Variants in ACSL6 observed in about 807,000 individuals in gnomAD.
The protein encoded by ACSL6 is long-chain-fatty-acid--CoA ligase 6.
In ACSL6, 47 loss-of-function variants were observed where a neutral mutation model predicts 98.2. The observed-to-expected ratio is 0.48, with a 90% CI of 0.38 to 0.61. The LOEUF is 0.61. Ranked by LOEUF, ACSL6 falls within the 20% of genes least tolerant of loss-of-function variation. The pLI is 0.00. For missense variants in ACSL6, 761 were observed against 913.4 expected (o/e 0.83, Z 2.15); for synonymous variants, 362 against 336.9 (o/e 1.07, Z -0.82).
chr5:131,959,440 GAA>G, intron 20 of ACSL6, 94 bp downstream of exon 20: 4 of 1,368,496 alleles, frequency 2.9e-6, no homozygotes, highest in Non-Finnish European at 4.1e-6. Context: ...GCCACACCAT[GAA>G]AAGTCAGGAA....
chr5:131,962,705 A>G (rs766688213), intron 17 of ACSL6, 27 bp from the exon 18 acceptor site: 1 of 1,612,616 alleles, frequency 6.2e-7, no homozygotes, highest in East Asian at 2.2e-5. Context: ...ACAGCTTTAT[A>G]AGAACATGGC....
rs1366350575 is a variant in ACSL6, at chr5:131,950,579, T to G, written c.*3655A>C. 5.1e-6 allele frequency: 1 copy of G among 196,330 alleles called. No homozygotes were observed. Among genetic ancestry groups the G allele is most frequent in the Non-Finnish European group, 1.1e-5 (1 of 94,496 alleles). The allele number at this position is 196,330 out of a possible 1,614,324, so 12.2% of individuals were successfully genotyped here. ...AATTTTATATACGGTTATTCATTCT[T>G]TTTTTCCTGAGATATTAAGCACATT... On this transcript the variant is annotated 3_prime_UTR_variant, in exon 21 of 21. Transcript: ENST00000651883.
intron 7 of ACSL6, among the ~76,000 whole-genome samples, chr5:131,987,764 T>C (rs1264324563): frequency 6.6e-6 from 1 of 152,148 alleles, no homozygotes; most frequent in Admixed American, 6.5e-5. Context: ...AGAGGCTGTG[T>C]GAGTACCTCT....
chr5:131,990,346 A>G (rs987391294), intron 3 of ACSL6, among the ~76,000 whole-genome samples, 182 bp from the exon 4 acceptor site: 11 of 152,212 alleles, frequency 7.2e-5, no homozygotes, highest in African/African-American at 2.7e-4. Context: ...GGCCTAAAGC[A>G]CATAAGTATG....
chr5:131,997,958 C>T (rs1754877961), intron 1 of ACSL6, among the ~76,000 whole-genome samples: 1 of 152,198 alleles, frequency 6.6e-6, no homozygotes, highest in Middle Eastern at 3.2e-3. Context: ...AGGACATGGG[C>T]CTCAGAGCCA....
chr5:131,975,043 A>C, intron 10 of ACSL6, 73 bp from the exon 11 acceptor site: 1 of 1,549,656 alleles, frequency 6.5e-7, no homozygotes. Flanking sequence ...ATCATAAAAC[A>C]ATAAAGAGAA....
At position 132,011,277 on chromosome 5, in the gene ACSL6, C is replaced by A. The variant is rs1409080001; in HGVS notation, c.49+228G>T. ...TTGTGGTGGGGTCGCAGAGAGCAAG[C>A]CCTATATCTCCCTCCGCAGACCCAG... On this transcript the variant is annotated intron_variant, in intron 1 of 20. Transcript: ENST00000651883. The surrounding 1 kb of genome is among the most constrained non-coding windows in gnomAD (Gnocchi z 5.4). Among the ~76,000 whole-genome samples, 2 of 152,142 alleles carry A rather than the reference C, an allele frequency of 1.3e-5. No homozygotes were observed. The highest frequency in any genetic ancestry group is 1.3e-4 in the Admixed American group (2 of 15,284).
chr5:131,959,725 A>G (rs1752598303), intron 19 of ACSL6, 118 bp from the exon 20 acceptor site: 1 of 878,236 alleles, frequency 1.1e-6, no homozygotes, highest in African/African-American at 1.7e-5. Context: ...GTGCTAACCC[A>G]CAGCCCGCAA....
At chr5:131,972,700 A>G (rs746204892) in intron 13 of ACSL6, 24 bp downstream of exon 13, 5 of 1,613,868 alleles carry the variant, frequency 3.1e-6, no homozygotes, top group South Asian at 1.1e-5. Flanking sequence ...GTGTCACTCT[A>G]TAATCACTTG....
intron 17 of ACSL6, among the ~76,000 whole-genome samples, chr5:131,964,518 T>C (rs907235902): frequency 6.6e-6 from 1 of 152,260 alleles, no homozygotes. Context: ...ATTTATTTGC[T>C]TCATATTACC....
At chr5:131,980,014 G>A (rs543932764) in intron 9 of ACSL6, among the ~76,000 whole-genome samples, 4 of 152,326 alleles carry the variant, frequency 2.6e-5, no homozygotes, top group South Asian at 2.1e-4. Flanking sequence ...GCTGGGTGAC[G>A]ATCTGCCCTG....
upstream of ACSL6, chr5:132,012,205 G>T: frequency 2.4e-6 from 1 of 423,586 alleles, no homozygotes; most frequent in Non-Finnish European, 4.2e-6. Flanking sequence ...ACCAGTGAGG[G>T]GAGGGAGTGG....
intron 10 of ACSL6, chr5:131,975,986 C>T (rs1030823807): frequency 4.2e-5 from 41 of 985,314 alleles, no homozygotes; most frequent in Middle Eastern, 5.2e-4. Context: ...TGTCATCTAC[C>T]ATGAATGTGG....
At chr5:131,979,032 G>T (rs756322094) in intron 9 of ACSL6, among the ~76,000 whole-genome samples, 3 of 152,202 alleles carry the variant, frequency 2.0e-5, no homozygotes, top group African/African-American at 4.8e-5. Flanking sequence ...ATAAATAGCT[G>T]TCAAAATATC....
At chr5:132,008,812 G>A (rs1261352462) in intron 1 of ACSL6, among the ~76,000 whole-genome samples, 1 of 152,232 alleles carries the variant, frequency 6.6e-6, no homozygotes, top group Non-Finnish European at 1.5e-5. Flanking sequence ...GTATATGATT[G>A]AACAGATTAG....
chr5:131,989,351 G>A (rs747269867), intron 5 of ACSL6, 56 bp downstream of exon 5: 12 of 1,522,658 alleles, frequency 7.9e-6, no homozygotes, highest in Non-Finnish European at 1.1e-5. Flanking sequence ...ACTATTCCAT[G>A]GCAGCCAACC....
intron 6 of ACSL6, 145 bp downstream of exon 6, chr5:131,988,660 T>A: frequency 6.2e-7 from 1 of 1,603,794 alleles, no homozygotes; most frequent in South Asian, 1.1e-5. Flanking sequence ...GGAAGCCAAC[T>A]CAGGAGCCAC....
intron 10 of ACSL6, 86 bp downstream of exon 10, chr5:131,976,562 A>C: frequency 8.0e-7 from 1 of 1,245,068 alleles, no homozygotes. Flanking sequence ...AAAAAAGAAA[A>C]AGAAAACAAA....
rs370889112 is a variant in ACSL6, at chr5:131,961,951, G to T, written c.1857+584C>A. On this transcript the variant is annotated intron_variant, in intron 18 of 20. Transcript: ENST00000651883. The stretch of plus-strand genomic sequence containing the variant: ...ACTCTGGGAGGCTGAGGCAGGAGGA[G>T]AATCACTCGAGCTCAGGAGTTCGAG... Among the ~76,000 whole-genome samples, 41 of 152,182 alleles carry T rather than the reference G, an allele frequency of 2.7e-4. No individual in the cohort carries two copies. The East Asian group carries it at 5.0e-3, about 19-fold the overall frequency.
Sources: gnomAD v4.1 joint callset for allele counts (sites outside exome capture counted in the v4.1 genomes callset) on GRCh38, gnomAD v4.1.1 for gene constraint, Gnocchi (gnomAD v3.1) non-coding constraint, MANE v1.5 for transcripts, NCBI Gene and HGNC (gene_info 2026-07-23, HGNC 2026-07-21) for gene names.